The following UCHL3 variants were observed in gnomAD, a reference collection of about 807,000 sequenced individuals.
UCHL3 encodes ubiquitin carboxyl-terminal hydrolase isozyme L3.
In UCHL3, 22 loss-of-function variants were observed where a neutral mutation model predicts 35.8. The observed-to-expected ratio is 0.61, with a 90% CI of 0.44 to 0.88. The LOEUF (loss-of-function observed/expected upper bound fraction) is 0.88. UCHL3 is among the 40% of genes least tolerant of loss of function. The pLI is 0.00. For synonymous variants in UCHL3, 90 were observed against 92.8 expected (o/e 0.97, Z 0.17); for missense variants, 229 against 276.9 (o/e 0.83, Z 1.23).
At chr13:75,556,557 AT>A (rs532187170) in intron 2 of UCHL3, among the ~76,000 whole-genome samples, 1 of 152,158 alleles carries the variant, frequency 6.6e-6, no homozygotes, top group African/African-American at 2.4e-5. Flanking sequence ...AATTTTATCT[AT>A]TTTTTTAATT....
In UCHL3 at chr13:75,604,752, T is replaced by C. The variant is rs1286042097; in HGVS notation, c.551-17T>C. 6.3e-7 allele frequency: 1 copy of C among 1,588,400 alleles called. No homozygotes were observed. Among genetic ancestry groups the C allele is most frequent in the Admixed American group, 1.8e-5 (1 of 55,666 alleles). On this transcript the variant is annotated splice_polypyrimidine_tract_variant and intron_variant, in intron 7 of 8. Transcript: ENST00000377595. Reference sequence around the variant, plus strand: ...TAAAAACAGCTAAGCATTCAATTGTTTGTCTGTTTTCCACAGATGGGCGGA... The same window carrying C: ...TAAAAACAGCTAAGCATTCAATTGTCTGTCTGTTTTCCACAGATGGGCGGA...
intron 6 of UCHL3, among the ~76,000 whole-genome samples, chr13:75,592,433 T>TGTATATATACATATATAC (rs2032512340): frequency 1.0e-5 from 1 of 99,112 alleles, no homozygotes; most frequent in East Asian, 2.8e-4. Context: ...TATATATATA[T>TGTATATATACATATATAC]ATATATATAT....
chr13:75,579,965 G>A (rs930327719), intron 6 of UCHL3, among the ~76,000 whole-genome samples: 1 of 152,088 alleles, frequency 6.6e-6, no homozygotes, highest in Non-Finnish European at 1.5e-5. Flanking sequence ...ACATTTAGAT[G>A]TACAGGTATT....
chr13:75,586,316 A>G (rs1593752373), intron 6 of UCHL3, among the ~76,000 whole-genome samples: 1 of 152,182 alleles, frequency 6.6e-6, no homozygotes, highest in East Asian at 1.9e-4. Context: ...AAGAAGACAT[A>G]GCATACACGT....
At position 75,567,315 on chromosome 13, in the gene UCHL3, C is replaced by T. The variant is rs992442169; in HGVS notation, c.426+3C>T. 13 of 1,613,546 alleles carry T rather than the reference C, an allele frequency of 8.1e-6. No individual in the cohort carries two copies. The highest frequency in any genetic ancestry group is 4.0e-5 in the African/African-American group (3 of 74,878). On this transcript the variant is annotated splice_donor_region_variant and intron_variant, in intron 5 of 8. Coordinates refer to ENST00000377595, the MANE Select transcript of UCHL3 (RefSeq NM_006002.5). The stretch of plus-strand genomic sequence containing the variant: ...CCAGATACCTGGAGAACTATGATGT[C>T]GGTACCTTCTTTCCGTTTTGATCTC...
At chr13:75,557,540 G>A (rs2031333907) in intron 2 of UCHL3, among the ~76,000 whole-genome samples, 1 of 152,182 alleles carries the variant, frequency 6.6e-6, no homozygotes. Context: ...TGAAAAGCCA[G>A]AAGACTGGTG....
intron 6 of UCHL3, among the ~76,000 whole-genome samples, chr13:75,577,332 C>T (rs2032055027): frequency 6.6e-6 from 1 of 152,106 alleles, no homozygotes; most frequent in South Asian, 2.1e-4. Context: ...TCATTATTCT[C>T]TAAACAATAT....
At chr13:75,590,026 T>C (rs1593757165) in intron 6 of UCHL3, 3 of 1,304,746 alleles carry the variant, frequency 2.3e-6, no homozygotes, top group Non-Finnish European at 3.0e-6. Context: ...CTGCCCTGGG[T>C]CAAACGTAAC....
chr13:75,583,131 T>A (rs925868396), intron 6 of UCHL3, among the ~76,000 whole-genome samples: 2 of 152,210 alleles, frequency 1.3e-5, no homozygotes, highest in African/African-American at 4.8e-5. Flanking sequence ...GACATACTTG[T>A]TAGAAACAAT....
intron 3 of UCHL3, among the ~76,000 whole-genome samples, chr13:75,563,239 G>T (rs966798039): frequency 6.6e-6 from 1 of 152,116 alleles, no homozygotes; most frequent in African/African-American, 2.4e-5. Flanking sequence ...GCAGTGGTGC[G>T]ATCTCAGTTC....
intron 6 of UCHL3, among the ~76,000 whole-genome samples, chr13:75,582,121 T>C (rs1185856565): frequency 6.9e-6 from 1 of 145,104 alleles, no homozygotes; most frequent in Non-Finnish European, 1.5e-5. Flanking sequence ...TCCTTGTGCT[T>C]CTGAAAAAAC....
chr13:75,567,288 A>T lies in UCHL3; in HGVS notation c.402A>T (p.Arg134=), dbSNP rs1033855370. Residue 134 remains arginine, a synonymous_variant, in exon 5 of 9, where the codon CGA becomes CGT. Coordinates refer to ENST00000377595, the MANE Select transcript of UCHL3 (RefSeq NM_006002.5). ...EESVSMSPEE[R]ARYLENYDAI... is the part of the protein sequence containing the mutation. ...CTGTGTCAATGAGCCCTGAAGAACG[A>T]GCCAGATACCTGGAGAACTATGATG... 4 of 1,614,058 alleles carry T rather than the reference A, an allele frequency of 2.5e-6. No individual in the cohort carries two copies. In the African/African-American group the frequency reaches 5.3e-5, roughly 22 times the overall value.
chr13:75,549,763 A>AGCGGCG, upstream of UCHL3: 5 of 1,445,478 alleles, frequency 3.5e-6, no homozygotes, highest in Middle Eastern at 2.4e-4. Flanking sequence ...CGTGGGCGGA[A>AGCGGCG]GCGGCGGCGG....
chr13:75,592,460 A>ATGTATATATG (rs1366080634), intron 6 of UCHL3, among the ~76,000 whole-genome samples: 22 of 110,310 alleles, frequency 2.0e-4, no homozygotes, highest in East Asian at 5.4e-4. Flanking sequence ...ATATATATAT[A>ATGTATATATG]TATATATGAA....
intron 6 of UCHL3, among the ~76,000 whole-genome samples, chr13:75,581,516 ATTTT>A (rs11330521): frequency 5.5e-5 from 6 of 109,400 alleles, no homozygotes; most frequent in Non-Finnish European, 7.4e-5. Context: ...CACCTGGCTA[ATTTT>A]TTTTTTTTTT....
At chr13:75,589,734 G>A (rs2032424712) in intron 6 of UCHL3, among the ~76,000 whole-genome samples, 1 of 152,002 alleles carries the variant, frequency 6.6e-6, no homozygotes, top group African/African-American at 2.4e-5. Flanking sequence ...ATAGAACTAT[G>A]GCATATAACC....
chr13:75,584,708 A>T (rs1179276975), intron 6 of UCHL3, among the ~76,000 whole-genome samples: 3 of 152,312 alleles, frequency 2.0e-5, no homozygotes, highest in Middle Eastern at 3.4e-3. Flanking sequence ...AGTGGAAAAG[A>T]TGGAAAACAT....
intron 6 of UCHL3, among the ~76,000 whole-genome samples, chr13:75,585,229 T>C (rs1478768156): frequency 6.6e-6 from 1 of 152,108 alleles, no homozygotes; most frequent in Non-Finnish European, 1.5e-5. Flanking sequence ...CATATATACC[T>C]ACTGAGATAC....
chr13:75,558,164 C>T (rs970491687), intron 2 of UCHL3, among the ~76,000 whole-genome samples: 1 of 152,058 alleles, frequency 6.6e-6, no homozygotes, highest in Non-Finnish European at 1.5e-5. Context: ...TTATATCTAT[C>T]TCATTTAATT....
Sources: gnomAD v4.1 joint callset for allele counts (sites outside exome capture counted in the v4.1 genomes callset) on GRCh38, gnomAD v4.1.1 for gene constraint, MANE v1.5 for transcripts, NCBI Gene and HGNC (gene_info 2026-07-23, HGNC 2026-07-21) for gene names.